The following P2RY6 variants were observed in gnomAD, a reference collection of about 807,000 sequenced individuals.
P2RY6 encodes P2Y purinoceptor 6.
A neutral mutation model predicts 16.3 loss-of-function variants in P2RY6; 19 were observed. That is an observed-to-expected ratio of 1.16 (90% CI 0.81 to 1.71). The LOEUF is 1.71. P2RY6 is among the 40% of genes most tolerant of loss of function. The pLI, the probability that P2RY6 is intolerant of heterozygous loss-of-function variation, is 0.00. For missense variants in P2RY6, 389 were observed against 455.5 expected (o/e 0.85, Z 1.33); for synonymous variants, 184 against 201.5 (o/e 0.91, Z 0.74).
intron 1 of P2RY6, among the ~76,000 whole-genome samples, chr11:73,265,885 C>A (rs1256186097): frequency 6.6e-6 from 1 of 152,220 alleles, no homozygotes; most frequent in African/African-American, 2.4e-5. Context: ...CAAAACCTCA[C>A]TGTGTCTCAG....
At chr11:73,274,315 C>A (rs548732158) in intron 1 of P2RY6, among the ~76,000 whole-genome samples, 32 of 152,106 alleles carry the variant, frequency 2.1e-4, no homozygotes, top group African/African-American at 7.0e-4. Context: ...AATGAAATAA[C>A]GTGAATAAAT....
chr11:73,271,186 C>T (rs568404608), upstream of P2RY6, among the ~76,000 whole-genome samples: 2 of 152,264 alleles, frequency 1.3e-5, no homozygotes, highest in South Asian at 2.1e-4. Context: ...CAGGTAGAGC[C>T]GCCCGGGCTG....
In P2RY6 at chr11:73,288,892, C is replaced by T. The variant is rs537033674; in HGVS notation, c.-120-6838C>T. On this transcript the variant is annotated intron_variant, in intron 1 of 2. Transcript: ENST00000540124. ...ACATCCTGTGCCCTTTCTGCTAACT[C>T]ACCGGCCAGGGGCCAAGCAAGGGGG... Among the ~76,000 whole-genome samples the T allele has an allele frequency of 2.6e-5, 4 of 152,340 alleles. No homozygotes were observed. In the South Asian group the frequency reaches 8.3e-4, roughly 32 times the overall value.
At chr11:73,290,012 G>T (rs1270715717) in intron 1 of P2RY6, among the ~76,000 whole-genome samples, 2 of 152,048 alleles carry the variant, frequency 1.3e-5, no homozygotes, top group African/African-American at 4.8e-5. Context: ...ACCTGAGGTC[G>T]GGAGTTAGAG....
At chr11:73,278,103 T>C (rs984362799) in intron 1 of P2RY6, among the ~76,000 whole-genome samples, 9 of 152,228 alleles carry the variant, frequency 5.9e-5, no homozygotes, top group Admixed American at 2.6e-4. Context: ...ATACGCACAT[T>C]GTTGTGCAGC....
chr11:73,279,281 G>A (rs980692990), intron 1 of P2RY6, among the ~76,000 whole-genome samples: 5 of 152,200 alleles, frequency 3.3e-5, no homozygotes, highest in Admixed American at 1.3e-4. Context: ...TACCTTATCA[G>A]ACATATGGTT....
upstream of P2RY6, chr11:73,269,878 C>G (rs185493175): frequency 6.6e-6 from 1 of 152,412 alleles, no homozygotes; most frequent in African/African-American, 2.4e-5. Flanking sequence ...TCTCTCCCCC[C>G]ACACCTTCTT....
chr11:73,297,038 CG>C lies in P2RY6; in HGVS notation c.521del (p.Arg174ProfsTer185), dbSNP rs756677143. ...CGCTGCCACAGGCATCCAGCGTAAC[CG>C]CACTGTCTGCTATGACCTCAGCCCG... Reference protein sequence around the residue: ...IFAATGIQRNRTVCYDLSPPA... With the variant: ...IFAATGIQRNXTVCYDLSPPA... On this transcript the variant is annotated frameshift_variant, in exon 3 of 3. Coordinates refer to ENST00000540124, the MANE Select transcript of P2RY6 (RefSeq NM_001277204.2). LOFTEE classifies it high-confidence loss of function. 6.2e-7 allele frequency: 1 copy of C among 1,600,830 alleles called. No individual in the cohort carries two copies. Among genetic ancestry groups the C allele is most frequent in the South Asian group, 1.1e-5 (1 of 91,090 alleles).
chr11:73,273,786 G>T (rs1449805037), intron 1 of P2RY6, among the ~76,000 whole-genome samples: 1 of 152,082 alleles, frequency 6.6e-6, no homozygotes, highest in Admixed American at 6.6e-5. Context: ...TCCATCTGTG[G>T]CTATGCACTG....
intron 1 of P2RY6, among the ~76,000 whole-genome samples, chr11:73,277,043 T>C (rs1863565181): frequency 6.6e-6 from 1 of 151,994 alleles, no homozygotes; most frequent in African/African-American, 2.4e-5. Flanking sequence ...TTCAGGGGCT[T>C]AGGTCCAGGG....
chr11:73,297,408 A>AC lies in P2RY6; in HGVS notation c.894dup (p.Ile299HisfsTer16). ...TTTGCCAGTGCCAACAGCGTGCTGG[A>AC]CCCCATCCTCTTCTACTTCACCCAG... On this transcript the variant is annotated frameshift_variant, in exon 3 of 3. Transcript: ENST00000540124. LOFTEE classifies it high-confidence loss of function. 1 of 1,612,444 alleles carries AC rather than the reference A, an allele frequency of 6.2e-7. No homozygotes were observed. Among genetic ancestry groups the AC allele is most frequent in the South Asian group, 1.1e-5 (1 of 91,078 alleles).
Position 73,297,458 on chromosome 11 carries a change from G to A in P2RY6, c.940G>A (p.Glu314Lys). The change falls in exon 3 of 3, where the codon GAG (glutamate) becomes AAG (lysine). Residue 314 changes from glutamate to lysine, a missense_variant. Transcript: ENST00000540124. ...GAAGAAGTTCCGCCGGCGACCACAT[G>A]AGCTCCTACAGAAACTCACAGCCAA... ...TQKKFRRRPH[E>K]LLQKLTAKWQ... The A allele has an allele frequency of 6.2e-7, 1 of 1,612,382 alleles. No individual in the cohort carries two copies. Among genetic ancestry groups the A allele is most frequent in the African/African-American group, 1.3e-5 (1 of 75,050 alleles).
chr11:73,282,143 C>A (rs1481575525), intron 1 of P2RY6, among the ~76,000 whole-genome samples: 1 of 152,202 alleles, frequency 6.6e-6, no homozygotes, highest in Non-Finnish European at 1.5e-5. Context: ...GGGGAGACTG[C>A]TGTGAGCCTG....
At chr11:73,271,583 T>C (rs1323464866), upstream of P2RY6, 1 of 152,098 alleles carries the variant, frequency 6.6e-6, no homozygotes, top group Non-Finnish European at 1.5e-5. Flanking sequence ...CCATACAATC[T>C]CTGGAATCTA....
chr11:73,272,497 C>G, intron 1 of P2RY6, 31 bp downstream of exon 1: 1 of 985,516 alleles, frequency 1.0e-6, no homozygotes, highest in Non-Finnish European at 1.2e-6. Context: ...CCTGGAAGGG[C>G]TTGCGCCCCT....
chr11:73,285,604 C>T (rs1452393462), intron 1 of P2RY6, among the ~76,000 whole-genome samples: 1 of 152,228 alleles, frequency 6.6e-6, no homozygotes, highest in Non-Finnish European at 1.5e-5. Context: ...ATTGGAAGAT[C>T]ACTGACGGAT....
intron 1 of P2RY6, among the ~76,000 whole-genome samples, chr11:73,287,862 C>G (rs769038163): frequency 7.9e-5 from 12 of 152,188 alleles, no homozygotes; most frequent in Non-Finnish European, 1.8e-4. Flanking sequence ...TGCAGTGGCC[C>G]TATAGGCGTG....
At chr11:73,286,759 G>A (rs1426459617) in intron 1 of P2RY6, among the ~76,000 whole-genome samples, 1 of 152,112 alleles carries the variant, frequency 6.6e-6, no homozygotes, top group Non-Finnish European at 1.5e-5. Context: ...GAGAAGGAAA[G>A]GGAGGGAGTC....
intron 1 of P2RY6, chr11:73,265,455 A>G (rs1863070597): frequency 6.6e-6 from 1 of 152,232 alleles, no homozygotes; most frequent in African/African-American, 2.4e-5. Flanking sequence ...GAGTTGGCTC[A>G]AGTCTTGGAG....
Sources: gnomAD v4.1 joint callset for allele counts (sites outside exome capture counted in the v4.1 genomes callset) on GRCh38, gnomAD v4.1.1 for gene constraint, MANE v1.5 for transcripts, NCBI Gene and HGNC (gene_info 2026-07-23, HGNC 2026-07-21) for gene names.